Variants in HIPK3 observed in about 807,000 individuals in gnomAD.
The protein encoded by HIPK3 is homeodomain interacting protein kinase 3, also known as homeodomain-interacting protein kinase 3.
Under a neutral mutation model 124.2 loss-of-function variants are expected in HIPK3, and 47 were observed. The observed-to-expected ratio is 0.38, with a 90% CI of 0.30 to 0.48. The LOEUF (loss-of-function observed/expected upper bound fraction) is 0.48. Among genes scored for constraint, HIPK3 ranks in the 20% least tolerant of loss-of-function variants. The pLI is 0.98. For missense variants in HIPK3, 1,286 were observed against 1,454.3 expected, an observed-to-expected ratio of 0.88 and a Z score of 1.88; for synonymous variants, 482 against 515.2, an observed-to-expected ratio of 0.94 and a Z score of 0.87.
intron 1 of HIPK3, among the ~76,000 whole-genome samples, chr11:33,282,681 A>G (rs1430539979): frequency 2.2e-5 from 2 of 91,112 alleles, no homozygotes; most frequent in Non-Finnish European, 5.2e-5. Context: ...AGACTGTATC[A>G]AAAAAAAAAA....
chr11:33,313,522 AAAAG>A (rs1418036540), intron 2 of HIPK3, among the ~76,000 whole-genome samples: 3 of 152,206 alleles, frequency 2.0e-5, no homozygotes, highest in Non-Finnish European at 2.9e-5. Context: ...GTGTGTATAT[AAAAG>A]AAAGAGAGTT....
At chr11:33,258,305 G>A (rs1321179016) in intron 1 of HIPK3, 10 of 985,468 alleles carry the variant, frequency 1.0e-5, no homozygotes, top group Non-Finnish European at 1.1e-5. Context: ...GCAGTCCTAG[G>A]CCGTAACTAC....
chr11:33,264,283 A>G (rs1380605260), intron 1 of HIPK3, among the ~76,000 whole-genome samples: 1 of 152,190 alleles, frequency 6.6e-6, no homozygotes, highest in South Asian at 2.1e-4. Context: ...ATTCTTTCAT[A>G]TAATTCTTGA....
chr11:33,338,589 A>G (rs569199255), intron 4 of HIPK3, among the ~76,000 whole-genome samples, 168 bp from the exon 5 acceptor site: 1 of 151,748 alleles, frequency 6.6e-6, no homozygotes, highest in African/African-American at 2.4e-5. Context: ...GCCTAAACCA[A>G]GCACTTCTCA....
Position 33,257,406 on chromosome 11 carries a change from G to T in HIPK3, c.-486G>T. On this transcript the variant is annotated 5_prime_UTR_variant, in exon 1 of 17. Coordinates refer to ENST00000303296, the MANE Select transcript of HIPK3 (RefSeq NM_005734.5). ...GGTGGCAGCTGCCTCAGTGACGACT[G>T]CCGGCATCGCGGCGACCTGAGGAGA... 1.0e-6 allele frequency: 1 copy of T among 985,212 alleles called. No homozygotes were observed. The highest frequency in any genetic ancestry group is 1.2e-6 in the Non-Finnish European group (1 of 829,820). 61.0% of individuals were successfully genotyped at this position (985,212 alleles called of 1,614,324 possible). A position where few individuals can be genotyped will look rare whatever the true frequency, so the allele number is the denominator to read the frequency against.
Position 33,257,572 on chromosome 11 carries a change from C to G in HIPK3, c.-320C>G. 1 of 985,828 alleles carries G rather than the reference C, an allele frequency of 1.0e-6. No individual in the cohort carries two copies. The highest frequency in any genetic ancestry group is 6.1e-5 in the Admixed American group (1 of 16,284). 61.1% of individuals were successfully genotyped at this position (985,828 alleles called of 1,614,324 possible). A position where few individuals can be genotyped will look rare whatever the true frequency, so the allele number is the denominator to read the frequency against. Reference sequence around the variant, plus strand: ...TAGGCCCCAGTAGCCGGAGGCCGACCGGCCTCCCACTACCCCTCGCCCTAG... The same window carrying G: ...TAGGCCCCAGTAGCCGGAGGCCGACGGGCCTCCCACTACCCCTCGCCCTAG... On this transcript the variant is annotated 5_prime_UTR_variant, in exon 1 of 17. Coordinates refer to ENST00000303296, the MANE Select transcript of HIPK3 (RefSeq NM_005734.5).
intron 1 of HIPK3, among the ~76,000 whole-genome samples, chr11:33,266,494 C>G (rs1384939758): frequency 2.6e-5 from 4 of 152,092 alleles, no homozygotes; most frequent in Non-Finnish European, 5.9e-5. Flanking sequence ...GGCCAGGAGT[C>G]TGAGACCAGC....
At chr11:33,329,525 G>A (rs1852910663) in intron 3 of HIPK3, among the ~76,000 whole-genome samples, 1 of 152,126 alleles carries the variant, frequency 6.6e-6, no homozygotes, top group South Asian at 2.1e-4. Flanking sequence ...AAAAAGAGAG[G>A]TAATTAATTT....
At chr11:33,261,447 A>G (rs975239158) in intron 1 of HIPK3, among the ~76,000 whole-genome samples, 2 of 151,918 alleles carry the variant, frequency 1.3e-5, no homozygotes, top group Non-Finnish European at 2.9e-5. Flanking sequence ...GCTTCCACTT[A>G]TAAGTGAGAA....
chr11:33,307,523 C>T (rs1006858051), intron 2 of HIPK3, among the ~76,000 whole-genome samples: 3 of 151,354 alleles, frequency 2.0e-5, no homozygotes, highest in East Asian at 1.9e-4. Context: ...CTTAGCCCCC[C>T]GAGTAGCTGG....
chr11:33,302,339 C>CTTTTTTTTTTTTTTTTTT lies in HIPK3; in HGVS notation c.1097+14830_1097+14831insTTTTTTTTTTTTTTTTTT, dbSNP rs374964013. Among the ~76,000 whole-genome samples the CTTTTTTTTTTTTTTTTTT allele has an allele frequency of 1.4e-4, 17 of 121,136 alleles. 1 individual carries two copies. Among genetic ancestry groups the CTTTTTTTTTTTTTTTTTT allele is most frequent in the African/African-American group, 3.3e-4 (11 of 33,718 alleles). The allele number at this position is 121,136 out of a possible 152,430, so 79.5% of individuals were successfully genotyped here. ...TGAACTTCTCTATGATAATTCCTTA[C>CTTTTTTTTTTTTTTTTTT]TTCTTTTTTTTTTTTTTGAGAAGGA... On this transcript the variant is annotated intron_variant, in intron 2 of 16. Coordinates refer to ENST00000303296, the MANE Select transcript of HIPK3 (RefSeq NM_005734.5).
intron 1 of HIPK3, among the ~76,000 whole-genome samples, chr11:33,268,436 A>C (rs556798158): frequency 1.2e-4 from 18 of 151,756 alleles, no homozygotes; most frequent in African/African-American, 4.1e-4. Flanking sequence ...TCTATAAAAA[A>C]TACAATTACC....
rs1343056186 is a variant in HIPK3, at chr11:33,347,368, C to T, written c.1973C>T (p.Ala658Val). Reference protein sequence around the residue: ...VDNTVPLVTQAPAVQPLQIRP... With the variant: ...VDNTVPLVTQVPAVQPLQIRP... The stretch of plus-strand genomic sequence containing the variant: ...AATACAGTTCCACTTGTAACTCAGG[C>T]CCCAGCTGTGCAGCCACTACAGATC... Residue 658 changes from alanine (A) to valine (V), a missense_variant, in exon 9 of 17, where the codon GCC (alanine) becomes GTC (valine). Transcript: ENST00000303296. 1.2e-6 allele frequency: 2 copies of T among 1,613,830 alleles called. No homozygotes were observed. The highest frequency in any genetic ancestry group is 1.7e-6 in the Non-Finnish European group (2 of 1,179,888).
intron 3 of HIPK3, 140 bp downstream of exon 3, chr11:33,328,773 T>G: frequency 4.4e-6 from 3 of 674,234 alleles, no homozygotes; most frequent in Non-Finnish European, 7.0e-6. Flanking sequence ...TCTTGTAGAA[T>G]TGATTTTGAA....
At chr11:33,290,691 A>G (rs1485984871) in intron 2 of HIPK3, among the ~76,000 whole-genome samples, 1 of 151,568 alleles carries the variant, frequency 6.6e-6, no homozygotes, top group African/African-American at 2.4e-5. Flanking sequence ...AAATCTTTCA[A>G]GGGAATGAAG....
chr11:33,300,473 G>A (rs1011520287), intron 2 of HIPK3, among the ~76,000 whole-genome samples: 4 of 152,138 alleles, frequency 2.6e-5, no homozygotes, highest in Non-Finnish European at 4.4e-5. Context: ...ACAACTGAAG[G>A]TTCAGATTCC....
At chr11:33,284,236 C>T (rs941863011) in intron 1 of HIPK3, among the ~76,000 whole-genome samples, 1 of 151,828 alleles carries the variant, frequency 6.6e-6, no homozygotes, top group African/African-American at 2.4e-5. Context: ...TTCAACCAAC[C>T]AACAAGCCAA....
At chr11:33,335,558 G>A (rs988212836) in intron 3 of HIPK3, 2 of 152,156 alleles carry the variant, frequency 1.3e-5, no homozygotes, top group African/African-American at 2.4e-5. Flanking sequence ...AGATTGCAGT[G>A]TGTTGAGGTG....
chr11:33,296,376 G>T (rs1851842281), intron 2 of HIPK3, among the ~76,000 whole-genome samples: 1 of 152,140 alleles, frequency 6.6e-6, no homozygotes, highest in Non-Finnish European at 1.5e-5. Context: ...AACAGGACCT[G>T]GACACAGGTC....
Sources: gnomAD v4.1 joint callset for allele counts (sites outside exome capture counted in the v4.1 genomes callset) on GRCh38, gnomAD v4.1.1 for gene constraint, MANE v1.5 for transcripts, NCBI Gene and HGNC (gene_info 2026-07-23, HGNC 2026-07-21) for gene names.